Variants in PSMD3 observed in about 807,000 individuals in gnomAD.
PSMD3 encodes the protein proteasome 26S subunit, non-ATPase 3.
Under a neutral mutation model 62.8 loss-of-function variants are expected in PSMD3, and 5 were observed. That is an observed-to-expected ratio of 0.08 (90% confidence interval 0.04 to 0.17). PSMD3 has a LOEUF of 0.17. Among genes scored for constraint, PSMD3 ranks in the 10% least tolerant of loss-of-function variants. The pLI, the probability that PSMD3 is intolerant of heterozygous loss-of-function variation, is 1.00. For synonymous variants in PSMD3, 265 were observed against 283.9 expected, an observed-to-expected ratio of 0.93 and a Z score of 0.67; for missense variants, 524 against 713.6, an observed-to-expected ratio of 0.73 and a Z score of 3.03.
rs766939603 is a variant in PSMD3 at position 39,996,723 on chromosome 17, C to G, written c.1476+385C>G. On this transcript the variant is annotated intron_variant, in intron 10 of 11. Transcript: ENST00000264639. This position sits in a 1 kb window ranked among gnomAD's most constrained non-coding sequence, Gnocchi z 5.1. The stretch of plus-strand genomic sequence containing the variant: ...CAGGGTTGGTAAGATTAAAAGAAGT[C>G]CCTGTATTGAGGCACTTAGCGAAGT... The G allele has an allele frequency of 2.1e-6, 1 of 478,526 alleles. No individual in the cohort carries two copies. The allele number at this position is 478,526 out of a possible 1,614,324, so 29.6% of individuals were successfully genotyped here.
At chr17:39,981,344 C>G (rs994613390) in intron 1 of PSMD3, among the ~76,000 whole-genome samples, 154 bp downstream of exon 1, 3 of 152,240 alleles carry the variant, frequency 2.0e-5, no homozygotes, top group African/African-American at 7.2e-5. Context: ...ACACTCCCGA[C>G]TCCAGGCCCA....
chr17:39,985,288 C>T (rs544715143), intron 2 of PSMD3, among the ~76,000 whole-genome samples: 1 of 152,112 alleles, frequency 6.6e-6, no homozygotes, highest in African/African-American at 2.4e-5. Context: ...GAATCCAAAC[C>T]CTGACAGTTA....
chr17:39,987,745 G>A (rs1368031587), intron 3 of PSMD3, among the ~76,000 whole-genome samples: 3 of 150,600 alleles, frequency 2.0e-5, no homozygotes, highest in Non-Finnish European at 4.4e-5. Context: ...AGCCTCTCAT[G>A]TAGCTGGGAT....
Position 39,985,552 on chromosome 17 carries a change from A to G in PSMD3, c.412-1023A>G, listed in dbSNP as rs547447236. On this transcript the variant is annotated intron_variant, in intron 2 of 11. Transcript: ENST00000264639. ...ATGGGCCAGGTCTCAGCCTTCTCCA[A>G]TTCCACTGACCTTCCAGCACCTGCA... 5.3e-5 allele frequency among the ~76,000 whole-genome samples: 8 copies of G among 152,336 alleles called. No individual in the cohort carries two copies. The South Asian group carries it at 6.2e-4, about 12-fold the overall frequency.
chr17:39,982,450 G>T (rs1326317665), intron 1 of PSMD3, among the ~76,000 whole-genome samples: 2 of 152,202 alleles, frequency 1.3e-5, no homozygotes, highest in Admixed American at 6.5e-5. Flanking sequence ...TATGTATACA[G>T]TTTGTATCAA....
chr17:39,984,126 G>C (rs1303455639), intron 1 of PSMD3, among the ~76,000 whole-genome samples, 168 bp from the exon 2 acceptor site: 5 of 145,154 alleles, frequency 3.4e-5, no homozygotes. Context: ...TGTGAACCCA[G>C]CAGGCAGAGC....
chr17:39,996,373 A>G lies in PSMD3; in HGVS notation c.1476+35A>G. ...CCGTGGCTGCAGAGTCACGCCTGGC[A>G]GCAGCACACCCCTCCCTCCACACTC... On this transcript the variant is annotated intron_variant, in intron 10 of 11. Coordinates refer to ENST00000264639, the MANE Select transcript of PSMD3 (RefSeq NM_002809.4). The surrounding 1 kb of genome is among the most constrained non-coding windows in gnomAD (Gnocchi z 5.1). The G allele has an allele frequency of 1.9e-6, 3 of 1,604,430 alleles. No individual in the cohort carries two copies. Among genetic ancestry groups the G allele is most frequent in the Non-Finnish European group, 2.6e-6 (3 of 1,174,376 alleles).
Position 39,996,597 on chromosome 17 carries a change from G to A in PSMD3, c.1476+259G>A, listed in dbSNP as rs1215313127. On this transcript the variant is annotated intron_variant, in intron 10 of 11. Coordinates refer to ENST00000264639, the MANE Select transcript of PSMD3 (RefSeq NM_002809.4). This position sits in a 1 kb window ranked among gnomAD's most constrained non-coding sequence, Gnocchi z 5.1. ...ACCAGGCAGGGATTCAGAGGGCGGG[G>A]TTCTACATTTGGTTCCAAATTTGAG... 1.1e-5 allele frequency: 7 copies of A among 649,738 alleles called. No individual in the cohort carries two copies. Among genetic ancestry groups the A allele is most frequent in the Non-Finnish European group, 2.0e-5 (7 of 353,816 alleles). 40.2% of individuals were successfully genotyped at this position (649,738 alleles called of 1,614,324 possible).
intron 6 of PSMD3, chr17:39,993,613 G>A (rs961998618): frequency 1.3e-5 from 2 of 152,282 alleles, no homozygotes; most frequent in Non-Finnish European, 2.9e-5. Flanking sequence ...GTGTTTGCCT[G>A]TTCCTTCATA....
chr17:39,996,055 G>A lies in PSMD3; in HGVS notation c.1321-128G>A, dbSNP rs1980774360. 1 of 1,162,120 alleles carries A rather than the reference G, an allele frequency of 8.6e-7. No homozygotes were observed. The highest frequency in any genetic ancestry group is 1.3e-6 in the Non-Finnish European group (1 of 799,322). 72.0% of individuals were successfully genotyped at this position (1,162,120 alleles called of 1,614,324 possible). On this transcript the variant is annotated intron_variant, in intron 9 of 11. Coordinates refer to ENST00000264639, the MANE Select transcript of PSMD3 (RefSeq NM_002809.4). This position sits in a 1 kb window ranked among gnomAD's most constrained non-coding sequence, Gnocchi z 5.1. ...AATCGCTTGAACCCGGGAGGTAAAG[G>A]TTGCAGTGAGCTGAGATCGCACCAC...
chr17:39,981,359 C>G lies in PSMD3; in HGVS notation c.220+169C>G, dbSNP rs1448760366. ...ACACTCCCGACTCCAGGCCCAATGA[C>G]TGAACCTTCTCTCCAGGCTGGGAAC... is the stretch of plus-strand genomic sequence containing the variant. On this transcript the variant is annotated intron_variant, in intron 1 of 11. Coordinates refer to ENST00000264639, the MANE Select transcript of PSMD3 (RefSeq NM_002809.4). 3.9e-5 allele frequency among the ~76,000 whole-genome samples: 6 copies of G among 152,228 alleles called. No individual in the cohort carries two copies. In the South Asian group the frequency reaches 1.2e-3, roughly 31 times the overall value.
chr17:39,995,516 A>G lies in PSMD3; in HGVS notation c.1309A>G (p.Ile437Val). 2 of 1,613,300 alleles carry G rather than the reference A, an allele frequency of 1.2e-6. No homozygotes were observed. Among genetic ancestry groups the G allele is most frequent in the South Asian group, 1.1e-5 (1 of 91,064 alleles). Residue 437 changes from isoleucine (I) to valine (V), a missense_variant, in exon 9 of 12, where the codon ATT (isoleucine) becomes GTT (valine). Coordinates refer to ENST00000264639, the MANE Select transcript of PSMD3 (RefSeq NM_002809.4). The surrounding 1 kb of genome is among the most constrained non-coding windows in gnomAD (Gnocchi z 4.1). Reference sequence around the variant, plus strand: ...GGATAGCCCCGAAGATGCAGAGTTCATTGTTGCCAAGGTGGGGCTGGTTCA... The same window carrying G: ...GGATAGCCCCGAAGATGCAGAGTTCGTTGTTGCCAAGGTGGGGCTGGTTCA... ...QLDSPEDAEF[I>V]VAKAIRDGVI...
At chr17:39,983,067 C>G (rs1980425033) in intron 1 of PSMD3, among the ~76,000 whole-genome samples, 1 of 151,052 alleles carries the variant, frequency 6.6e-6, no homozygotes, top group Admixed American at 6.6e-5. Flanking sequence ...GAGTCTCGCT[C>G]TGTTGCCCAG....
In PSMD3 at chr17:39,994,975, G is replaced by T. The variant is rs1170474708; in HGVS notation, c.1003G>T (p.Val335Leu). The stretch of plus-strand genomic sequence containing the variant: ...CCAGGTGCACAAGCTTCTCATCGTG[G>T]TGGAGCTGTTGCTGGGGGAGATCCC... The part of the protein sequence containing the change: ...KQTVHKLLIV[V>L]ELLLGEIPDR... The change falls in exon 7 of 12, where the codon GTG (valine) becomes TTG (leucine). Residue 335 changes from valine (V) to leucine (L), a missense_variant. Physicochemically the swap from Val to Leu is conservative, Grantham distance 32. Coordinates refer to ENST00000264639, the MANE Select transcript of PSMD3 (RefSeq NM_002809.4). 2 of 1,614,158 alleles carry T rather than the reference G, an allele frequency of 1.2e-6. No individual in the cohort carries two copies. Among genetic ancestry groups the T allele is most frequent in the Non-Finnish European group, 1.7e-6 (2 of 1,180,040 alleles).
At chr17:39,989,455 G>A (rs915570364) in intron 4 of PSMD3, among the ~76,000 whole-genome samples, 1 of 152,130 alleles carries the variant, frequency 6.6e-6, no homozygotes, top group Non-Finnish European at 1.5e-5. Context: ...AGTTCCCCTG[G>A]CCTCACAGGC....
rs780118503 is a variant in PSMD3 at position 39,995,764 on chromosome 17, G to T, written c.1320+237G>T. ...GTTGAGTTTATGATAGTGCCTGTGA[G>T]TGTGAGAATATAAGGAGGGCAGAGG... On this transcript the variant is annotated intron_variant, in intron 9 of 11. Coordinates refer to ENST00000264639, the MANE Select transcript of PSMD3 (RefSeq NM_002809.4). This position sits in a 1 kb window ranked among gnomAD's most constrained non-coding sequence, Gnocchi z 4.1. 5.4e-6 allele frequency: 3 copies of T among 560,050 alleles called. No homozygotes were observed. The East Asian group carries it at 9.4e-5, about 18-fold the overall frequency. 34.7% of individuals were successfully genotyped at this position (560,050 alleles called of 1,614,324 possible).
In PSMD3 at chr17:39,980,861, A is replaced by T. The variant is rs553432079; in HGVS notation, c.-110A>T. On this transcript the variant is annotated 5_prime_UTR_variant, in exon 1 of 12. Transcript: ENST00000264639. The stretch of plus-strand genomic sequence containing the variant: ...AGCTGCTCCGTCATCGTGCGGCCCG[A>T]CGCTATCTCGCGCTCGTGTGCAGGC... The T allele has an allele frequency of 5.0e-6, 5 of 1,002,802 alleles. No individual in the cohort carries two copies. In the East Asian group the frequency reaches 1.2e-4, roughly 23 times the overall value. The allele number at this position is 1,002,802 out of a possible 1,614,324, so 62.1% of individuals were successfully genotyped here. A position where few individuals can be genotyped will look rare whatever the true frequency, so the allele number is the denominator to read the frequency against.
rs778468446 is a variant in PSMD3 at position 39,989,819 on chromosome 17, G to A, written c.767G>A (p.Arg256Gln). The change falls in exon 5 of 12, where the codon CGG becomes CAG. Residue 256 changes from arginine (R) to glutamine (Q), a missense_variant. Transcript: ENST00000264639. The part of the protein sequence containing the change: ...GQATLLNLLL[R>Q]NYLHYSLYDQ... ...GCCACCCTGTTGAACCTCCTGCTGC[G>A]GAATTACCTACACTACAGCTTGTAC... 5 of 1,614,140 alleles carry A rather than the reference G, an allele frequency of 3.1e-6. No individual in the cohort carries two copies. The highest frequency in any genetic ancestry group is 2.2e-5 in the East Asian group (1 of 44,884).
chr17:39,993,047 T>C (rs1980698101), intron 6 of PSMD3: 1 of 152,228 alleles, frequency 6.6e-6, no homozygotes, highest in Non-Finnish European at 1.5e-5. Flanking sequence ...ACTTGGCGGC[T>C]TAAACAACCG....
Sources: allele counts gnomAD v4.1 joint callset (sites outside exome capture counted in the v4.1 genomes callset), GRCh38; gene constraint gnomAD v4.1.1; non-coding constraint Gnocchi (gnomAD v3.1); transcripts MANE v1.5; gene names NCBI Gene and HGNC (gene_info 2026-07-23, HGNC 2026-07-21).